Variants in DMD observed in about 807,000 individuals in gnomAD.
DMD encodes the protein mutant dystrophin.
DMD carries 63 observed loss-of-function variants against 330.1 expected under a neutral mutation model. The observed-to-expected ratio is 0.19, with a 90% CI of 0.16 to 0.24. The LOEUF (loss-of-function observed/expected upper bound fraction) is 0.24, where lower values mean the gene tolerates loss of function less well. Ranked by LOEUF, DMD falls within the 10% of genes least tolerant of loss-of-function variation. DMD has a pLI of 1.00. For synonymous variants in DMD, 1,223 were observed against 959.8 expected (o/e 1.27, Z -5.07); for missense variants, 3,344 against 2,684.1 (o/e 1.25, Z -5.43).
chrX:32,857,692 CAA>C (rs978566915), intron 2 of DMD, among the ~76,000 whole-genome samples: 1 of 111,261 alleles, frequency 9.0e-6, no homozygotes, highest in East Asian at 2.8e-4. Flanking sequence ...GCTGTTTATT[CAA>C]AAAGAGGAGC....
intron 43 of DMD, among the ~76,000 whole-genome samples, chrX:32,262,301 G>A (rs2097326551): frequency 9.0e-6 from 1 of 111,363 alleles, no homozygotes; most frequent in African/African-American, 3.3e-5. Context: ...TCTATAAAAC[G>A]CAAACTTATC....
At chrX:33,303,644 T>G (rs6631777) in intron 1 of DMD, among the ~76,000 whole-genome samples, 33,520 of 110,124 alleles carry the variant, frequency 0.3, 3,889 homozygotes, top group East Asian at 0.64. Context: ...GCTATTCTTG[T>G]GATAGCAAGT....
chrX:31,729,546 G>T, intron 52 of DMD, 85 bp downstream of exon 52: 2 of 673,688 alleles, frequency 3.0e-6, no homozygotes, highest in Non-Finnish European at 4.9e-6. Flanking sequence ...TTTTATAAAT[G>T]TGAGGGGGAT....
At chrX:33,034,949 C>T (rs1409821910) in intron 1 of DMD, among the ~76,000 whole-genome samples, 1 of 111,754 alleles carries the variant, frequency 8.9e-6, no homozygotes, top group East Asian at 2.8e-4. Flanking sequence ...ATTGTTATTC[C>T]TATCCTGAAA....
intron 37 of DMD, among the ~76,000 whole-genome samples, chrX:32,350,529 T>C (rs2097777993): frequency 9.0e-6 from 1 of 111,533 alleles, no homozygotes. Flanking sequence ...ATCAAGTAAG[T>C]GTCAATTGAC....
chrX:31,120,198 T>A lies in DMD; in HGVS notation c.*1721A>T, dbSNP rs1288562398. On this transcript the variant is annotated 3_prime_UTR_variant, in exon 79 of 79. Coordinates refer to ENST00000357033, the MANE Select transcript of DMD (RefSeq NM_004006.3). ...AAAATCAAAAAGAAATAAAATGGCATGAAAGAGTAAAGCTTTTTCCTACCA... is the reference window on the plus strand; with the variant it reads ...AAAATCAAAAAGAAATAAAATGGCAAGAAAGAGTAAAGCTTTTTCCTACCA... 8.9e-6 allele frequency: 1 copy of A among 111,973 alleles called. No homozygotes were observed. The highest frequency in any genetic ancestry group is 1.9e-5 in the Non-Finnish European group (1 of 52,984). 9.2% of individuals were successfully genotyped at this position (111,973 alleles called of 1,213,427 possible).
intron 1 of DMD, among the ~76,000 whole-genome samples, chrX:33,293,692 G>C (rs768781783): frequency 2.7e-5 from 3 of 111,175 alleles, no homozygotes; most frequent in Non-Finnish European, 5.7e-5. Flanking sequence ...ACATATAAAA[G>C]GAACCCGTTT....
intron 45 of DMD, among the ~76,000 whole-genome samples, chrX:31,959,084 C>G (rs2095274964): frequency 9.0e-6 from 1 of 111,592 alleles, no homozygotes; most frequent in Non-Finnish European, 1.9e-5. Context: ...CCACTTTCAT[C>G]AAGTATTTCT....
chrX:32,957,433 A>G (rs779572431), intron 2 of DMD, among the ~76,000 whole-genome samples: 11 of 111,849 alleles, frequency 9.8e-5, no homozygotes, highest in Non-Finnish European at 2.1e-4. Flanking sequence ...AAGAAATATT[A>G]TAACAGTTAA....
At chrX:32,891,735 T>TAC (rs2085222519) in intron 2 of DMD, among the ~76,000 whole-genome samples, 1 of 112,024 alleles carries the variant, frequency 8.9e-6, no homozygotes, top group African/African-American at 3.2e-5. Flanking sequence ...TGTAAATCAC[T>TAC]ACATTATGTA....
chrX:31,284,858 A>ACC (rs2053066594), intron 62 of DMD, among the ~76,000 whole-genome samples: 1 of 97,589 alleles, frequency 1.0e-5, no homozygotes, highest in African/African-American at 4.1e-5. Flanking sequence ...ACACACACAC[A>ACC]CACACCCACA....
chrX:31,206,765 G>T, intron 65 of DMD, 98 bp from the exon 66 acceptor site: 2 of 648,216 alleles, frequency 3.1e-6, no homozygotes, highest in Non-Finnish European at 2.5e-6. Context: ...AAAAATAAAG[G>T]AGTAAAGTGC....
At chrX:31,222,127 T>C (rs1602932036) in intron 64 of DMD, among the ~76,000 whole-genome samples, 2 of 108,417 alleles carry the variant, frequency 1.8e-5, no homozygotes. Context: ...ACCCGGGAGG[T>C]GGAGTCTGCA....
At chrX:31,124,561 C>T (rs1291784354) in intron 78 of DMD, among the ~76,000 whole-genome samples, 2 of 111,691 alleles carry the variant, frequency 1.8e-5, no homozygotes, top group Non-Finnish European at 3.8e-5. Flanking sequence ...TGAAAAGCAG[C>T]CAGGATTCAG....
chrX:31,606,269 C>T (rs1051843661), intron 55 of DMD, among the ~76,000 whole-genome samples: 1 of 111,698 alleles, frequency 9.0e-6, no homozygotes, highest in African/African-American at 3.3e-5. Flanking sequence ...TAGAAATTAC[C>T]CAGTCTCGGG....
intron 9 of DMD, among the ~76,000 whole-genome samples, chrX:32,686,752 T>A (rs752052840): frequency 1.0e-3 from 113 of 110,634 alleles, no homozygotes; most frequent in Non-Finnish European, 1.8e-3. Context: ...GAAAACAAAA[T>A]AGATTGTAAT....
At chrX:31,786,126 T>C (rs1218787678) in intron 50 of DMD, among the ~76,000 whole-genome samples, 2 of 112,089 alleles carry the variant, frequency 1.8e-5, no homozygotes, top group South Asian at 3.8e-4. Context: ...TTTCCTGACT[T>C]TTTAATGATC....
intron 3 of DMD, among the ~76,000 whole-genome samples, chrX:32,846,984 C>T (rs184179720): frequency 1.1e-4 from 12 of 108,625 alleles, no homozygotes; most frequent in East Asian, 2.9e-4. Context: ...CCAGCCTGGG[C>T]GACAGAGTAA....
intron 47 of DMD, among the ~76,000 whole-genome samples, chrX:31,888,932 T>G (rs73466045): frequency 6.1e-4 from 68 of 112,360 alleles, no homozygotes; most frequent in African/African-American, 2.2e-3. Flanking sequence ...TGGATTTTAC[T>G]TACGATGCTT....
Sources: allele counts gnomAD v4.1 joint callset (sites outside exome capture counted in the v4.1 genomes callset), GRCh38; gene constraint gnomAD v4.1.1; transcripts MANE v1.5; gene names NCBI Gene and HGNC (gene_info 2026-07-23, HGNC 2026-07-21).